PDZD2: variants seen among roughly 807,000 people sequenced by gnomAD.
PDZD2 encodes the protein PDZ domain containing 2.
PDZD2 carries 90 observed loss-of-function variants against 220.7 expected under a neutral mutation model. The observed-to-expected ratio is 0.41, with a 90% CI of 0.34 to 0.49. The LOEUF is 0.49. PDZD2 is among the 20% of genes least tolerant of loss of function. The pLI, the probability that PDZD2 is intolerant of heterozygous loss-of-function variation, is 0.28. For synonymous variants in PDZD2, 1,375 were observed against 1,450.5 expected, an observed-to-expected ratio of 0.95 and a Z score of 1.18; for missense variants, 3,174 against 3,608.5, an observed-to-expected ratio of 0.88 and a Z score of 3.08.
intron 2 of PDZD2, among the ~76,000 whole-genome samples, chr5:31,957,343 A>G (rs965059530): frequency 6.6e-5 from 10 of 152,184 alleles, no homozygotes; most frequent in African/African-American, 2.2e-4. Context: ...TAGGAATTTA[A>G]TCTAGCACAA....
intron 1 of PDZD2, among the ~76,000 whole-genome samples, chr5:31,748,985 A>G (rs1448456285): frequency 3.3e-5 from 5 of 152,040 alleles, no homozygotes; most frequent in Non-Finnish European, 7.4e-5. Context: ...CACTGGAATA[A>G]CCCTGACCTT....
At chr5:32,007,309 A>T (rs1241677501) in intron 5 of PDZD2, among the ~76,000 whole-genome samples, 1 of 151,512 alleles carries the variant, frequency 6.6e-6, no homozygotes, top group Non-Finnish European at 1.5e-5. Context: ...CACTACACCC[A>T]GCCCCAGCAC....
intron 6 of PDZD2, among the ~76,000 whole-genome samples, chr5:32,023,493 G>A (rs1047857175): frequency 6.6e-6 from 1 of 152,184 alleles, no homozygotes; most frequent in African/African-American, 2.4e-5. Flanking sequence ...GTGATTCTGG[G>A]ACACTTAGCA....
At chr5:31,744,247 G>A (rs1251671501) in intron 1 of PDZD2, 1 of 152,188 alleles carries the variant, frequency 6.6e-6, no homozygotes, top group Non-Finnish European at 1.5e-5. Flanking sequence ...TCACACTCAT[G>A]TACTGAAAAT....
At position 31,709,502 on chromosome 5, in the gene PDZD2, AAGG is replaced by A. The variant is rs1408348629; in HGVS notation, c.-361+70066_-361+70068del. On this transcript the variant is annotated intron_variant, in intron 1 of 24. Transcript: ENST00000438447. ...TGTCTCAGGAAAAAAAATAAAATAA[AAGG>A]TGAGAGAAAAGGTGAGAGCTAGGGT... is the stretch of plus-strand genomic sequence containing the variant. Among the ~76,000 whole-genome samples, 7 of 34,936 alleles carry A rather than the reference AAGG, an allele frequency of 2.0e-4. No individual in the cohort carries two copies. In the East Asian group the frequency reaches 2.8e-3, roughly 14 times the overall value. 22.9% of individuals were successfully genotyped at this position (34,936 alleles called of 152,430 possible). A position where few individuals can be genotyped will look rare whatever the true frequency, so the allele number is the denominator to read the frequency against.
chr5:31,768,640 C>CAAA (rs35950291), intron 1 of PDZD2, among the ~76,000 whole-genome samples: 53 of 126,046 alleles, frequency 4.2e-4, no homozygotes, highest in African/African-American at 1.3e-3. Flanking sequence ...GACTCTGTCT[C>CAAA]AAAAAAAAAA....
chr5:31,873,568 T>TATTTATTA (rs1437512748), intron 2 of PDZD2, among the ~76,000 whole-genome samples: 2 of 150,922 alleles, frequency 1.3e-5, no homozygotes, highest in Non-Finnish European at 3.0e-5. Flanking sequence ...TTTATTTATT[T>TATTTATTA]ATTTATTTAT....
rs748590827 is a variant in PDZD2 at position 31,646,311 on chromosome 5, C to G, written c.-361+6874C>G. Among the ~76,000 whole-genome samples, 3 of 151,956 alleles carry G rather than the reference C, an allele frequency of 2.0e-5. No individual in the cohort carries two copies. The highest frequency in any genetic ancestry group is 2.9e-5 in the Non-Finnish European group (2 of 67,996). On this transcript the variant is annotated intron_variant, in intron 1 of 24. Transcript: ENST00000438447. This position sits in a 1 kb window ranked among gnomAD's most constrained non-coding sequence, Gnocchi z 4.7. ...TTGGGTTGGTGGGTACAAGTTTGAACACCTAGTAATGCCCCTTACCCCTGA... is the reference window on the plus strand; with the variant it reads ...TTGGGTTGGTGGGTACAAGTTTGAAGACCTAGTAATGCCCCTTACCCCTGA...
In PDZD2 at chr5:31,990,888, A is replaced by G. The variant is rs1400785181; in HGVS notation, c.979-4688A>G. On this transcript the variant is annotated intron_variant, in intron 3 of 24. Transcript: ENST00000438447. ...AGTGTCATGGGCAGGGGGCTGGTTG[A>G]TGTTGGGTGTCAGAGCAGGAAGATC... Among the ~76,000 whole-genome samples, 4 of 152,266 alleles carry G rather than the reference A, an allele frequency of 2.6e-5. No homozygotes were observed. The East Asian group carries it at 7.7e-4, about 29-fold the overall frequency.
At chr5:31,856,935 T>TATATAA (rs1491386991) in intron 2 of PDZD2, among the ~76,000 whole-genome samples, 6 of 107,900 alleles carry the variant, frequency 5.6e-5, no homozygotes, top group Non-Finnish European at 1.1e-4. Context: ...TATATATATA[T>TATATAA]AACTTTAAAA....
chr5:32,042,893 T>G (rs1756317315), intron 7 of PDZD2, among the ~76,000 whole-genome samples: 3 of 151,964 alleles, frequency 2.0e-5, no homozygotes, highest in Admixed American at 2.0e-4. Context: ...CCCAGGGAGG[T>G]GCCCAGAACT....
chr5:32,061,179 T>A, intron 14 of PDZD2, 45 bp downstream of exon 14: 1 of 1,594,698 alleles, frequency 6.3e-7, no homozygotes, highest in Non-Finnish European at 8.6e-7. Context: ...ATGATACACC[T>A]TCCTAGGATA....
intron 6 of PDZD2, among the ~76,000 whole-genome samples, chr5:32,033,916 G>C (rs781680939): frequency 3.3e-5 from 5 of 152,122 alleles, no homozygotes; most frequent in Non-Finnish European, 7.4e-5. Flanking sequence ...ACCACGTCTG[G>C]CTCACATATA....
At chr5:31,818,334 C>T (rs1755604149) in intron 2 of PDZD2, among the ~76,000 whole-genome samples, 1 of 152,136 alleles carries the variant, frequency 6.6e-6, no homozygotes, top group Admixed American at 6.6e-5. Context: ...AGTCATCTCA[C>T]AAGTAGAGAG....
chr5:31,888,590 T>C (rs934688009), intron 2 of PDZD2, among the ~76,000 whole-genome samples: 3 of 152,222 alleles, frequency 2.0e-5, no homozygotes, highest in Non-Finnish European at 2.9e-5. Context: ...TGGCTGTTAA[T>C]GAGGTGGTTT....
intron 2 of PDZD2, among the ~76,000 whole-genome samples, chr5:31,862,088 GTTTTTTTTTTGGGT>G (rs1737756807): frequency 2.8e-5 from 3 of 108,510 alleles, no homozygotes; most frequent in African/African-American, 1.0e-4. Flanking sequence ...TAGACTCAAT[GTTTTTTTTTTGGGT>G]TTTTTTTTTT....
chr5:31,662,823 G>A (rs978739029), intron 1 of PDZD2, among the ~76,000 whole-genome samples: 3 of 152,262 alleles, frequency 2.0e-5, no homozygotes, highest in East Asian at 1.9e-4. Context: ...GTAGAGACGG[G>A]GTTTCACCGT....
intron 1 of PDZD2, among the ~76,000 whole-genome samples, chr5:31,691,470 CCTGGCGCCACCTGCTTTTATTCTCTTAT>C (rs1190038883): frequency 1.2e-3 from 136 of 116,474 alleles, no homozygotes; most frequent in Middle Eastern, 4.5e-3. Flanking sequence ...TATTCTCTTA[CCTGGCGCCACCTGCTTTTATTCTCTTAT>C]CTGGCGCCAC....
intron 2 of PDZD2, among the ~76,000 whole-genome samples, chr5:31,812,363 G>A (rs1040710044): frequency 2.6e-5 from 4 of 152,112 alleles, no homozygotes; most frequent in African/African-American, 4.8e-5. Context: ...TTGTTCAATC[G>A]AATGTCAGAG....
Sources: allele counts gnomAD v4.1 joint callset (sites outside exome capture counted in the v4.1 genomes callset), GRCh38; gene constraint gnomAD v4.1.1; non-coding constraint Gnocchi (gnomAD v3.1); transcripts MANE v1.5; gene names NCBI Gene and HGNC (gene_info 2026-07-23, HGNC 2026-07-21).